Variants in NREP observed in about 807,000 individuals in gnomAD.
NREP encodes the protein neuronal regeneration-related protein.
A neutral mutation model predicts 8.6 loss-of-function variants in NREP; 5 were observed. The ratio of observed to expected loss-of-function variants is 0.58; its 90% CI spans 0.30 to 1.22. NREP has a LOEUF of 1.22. Among genes scored for constraint, NREP ranks in the 50% most tolerant of loss-of-function variants. The pLI is 0.07. For synonymous variants in NREP, 27 were observed against 28.0 expected, an observed-to-expected ratio of 0.96 and a Z score of 0.11; for missense variants, 86 against 82.5, an observed-to-expected ratio of 1.04 and a Z score of -0.17.
At chr5:111,943,876 A>G (rs975926707) in intron 2 of NREP, among the ~76,000 whole-genome samples, 1 of 152,138 alleles carries the variant, frequency 6.6e-6, no homozygotes, top group African/African-American at 2.4e-5. Flanking sequence ...TACTCTGTTC[A>G]GCAACTTACG....
intron 2 of NREP, among the ~76,000 whole-genome samples, chr5:111,821,965 AC>A (rs1348901611): frequency 1.3e-5 from 2 of 152,302 alleles, no homozygotes; most frequent in Middle Eastern, 3.4e-3. Flanking sequence ...AACCTCTTCT[AC>A]TATGAAAATG....
intron 2 of NREP, among the ~76,000 whole-genome samples, chr5:111,912,023 T>G (rs531406458): frequency 1.3e-5 from 2 of 152,210 alleles, no homozygotes; most frequent in Non-Finnish European, 2.9e-5. Context: ...AAAATATAAA[T>G]TCCTGTCTGT....
At chr5:111,808,385 G>A (rs1019948145) in intron 2 of NREP, among the ~76,000 whole-genome samples, 1 of 152,168 alleles carries the variant, frequency 6.6e-6, no homozygotes, top group African/African-American at 2.4e-5. Flanking sequence ...ACCAAAGCCT[G>A]TCTTCTCTAT....
intron 2 of NREP, among the ~76,000 whole-genome samples, chr5:111,786,803 T>C (rs890194189): frequency 1.2e-4 from 19 of 152,200 alleles, no homozygotes; most frequent in African/African-American, 4.1e-4. Flanking sequence ...TTTTGTATAT[T>C]GGGGTAGGAA....
intron 2 of NREP, among the ~76,000 whole-genome samples, chr5:111,942,278 T>G (rs1243530756): frequency 6.6e-6 from 1 of 152,050 alleles, no homozygotes; most frequent in Non-Finnish European, 1.5e-5. Context: ...AACACTAAAA[T>G]AAAAATGATT....
At chr5:111,740,812 T>TA (rs1052867763) in intron 2 of NREP, among the ~76,000 whole-genome samples, 2 of 152,232 alleles carry the variant, frequency 1.3e-5, no homozygotes, top group Non-Finnish European at 2.9e-5. Flanking sequence ...TCACTTCTAC[T>TA]ACATTGCAGG....
At chr5:111,912,478 C>T (rs1754940667) in intron 2 of NREP, 1 of 152,068 alleles carries the variant, frequency 6.6e-6, no homozygotes, top group South Asian at 2.1e-4. Flanking sequence ...TCTATTCTAT[C>T]TGTATCTCTG....
At chr5:111,892,968 A>C (rs1346450988) in intron 2 of NREP, among the ~76,000 whole-genome samples, 2 of 152,198 alleles carry the variant, frequency 1.3e-5, no homozygotes, top group Non-Finnish European at 2.9e-5. Flanking sequence ...ACTAGAGAAA[A>C]TCTAAAACTC....
At chr5:111,917,652 C>T (rs112672985) in intron 2 of NREP, among the ~76,000 whole-genome samples, 9,684 of 152,172 alleles carry the variant, frequency 0.064, 720 homozygotes, top group East Asian at 0.23. Context: ...TCGATAAAAT[C>T]CAGCACTCCT....
intron 2 of NREP, among the ~76,000 whole-genome samples, chr5:111,772,806 T>G (rs1265447258): frequency 6.6e-6 from 1 of 152,226 alleles, no homozygotes; most frequent in Non-Finnish European, 1.5e-5. Context: ...ATTAATCTTC[T>G]TTATTATGTA....
chr5:111,881,321 T>G (rs903079979), intron 2 of NREP, among the ~76,000 whole-genome samples: 2 of 151,830 alleles, frequency 1.3e-5, no homozygotes, highest in Non-Finnish European at 2.9e-5. Flanking sequence ...CAAAGCAGCC[T>G]GGGAAGCTCC....
intron 2 of NREP, among the ~76,000 whole-genome samples, chr5:111,889,492 C>T (rs906118226): frequency 2.0e-5 from 3 of 152,104 alleles, no homozygotes; most frequent in Non-Finnish European, 4.4e-5. Flanking sequence ...ATCATACTGC[C>T]CTTACTCCCC....
chr5:111,873,850 A>G (rs1753843979), intron 2 of NREP, among the ~76,000 whole-genome samples: 1 of 152,152 alleles, frequency 6.6e-6, no homozygotes, highest in Admixed American at 6.6e-5. Flanking sequence ...GGGCTGTGGG[A>G]GAGACTGCAG....
intron 2 of NREP, among the ~76,000 whole-genome samples, chr5:111,939,399 T>A (rs1171205966): frequency 6.6e-6 from 1 of 152,062 alleles, no homozygotes; most frequent in Non-Finnish European, 1.5e-5. Flanking sequence ...AAAGATACTT[T>A]AGAGCAATCA....
intron 2 of NREP, among the ~76,000 whole-genome samples, chr5:111,946,282 A>C (rs528168684): frequency 6.6e-6 from 1 of 152,118 alleles, no homozygotes; most frequent in Admixed American, 6.6e-5. Flanking sequence ...GCTCCCAAAA[A>C]ACAAGATCCT....
intron 2 of NREP, among the ~76,000 whole-genome samples, chr5:111,943,996 G>A (rs554549825): frequency 6.6e-6 from 1 of 152,052 alleles, no homozygotes; most frequent in South Asian, 2.1e-4. Flanking sequence ...TCTATTGAGA[G>A]AGCTGATGAA....
chr5:111,893,755 G>C (rs867087591), intron 2 of NREP, among the ~76,000 whole-genome samples: 1 of 151,252 alleles, frequency 6.6e-6, no homozygotes, highest in Middle Eastern at 3.2e-3. Context: ...ATTGGTTAAG[G>C]GTTTTTCAAT....
At chr5:111,930,653 A>G (rs1416630290) in intron 2 of NREP, among the ~76,000 whole-genome samples, 2 of 152,164 alleles carry the variant, frequency 1.3e-5, no homozygotes, top group Non-Finnish European at 1.5e-5. Context: ...TGTTAATTGC[A>G]AGCCCAGTAG....
chr5:111,919,869 GAGAAAGAAAGAAAGAAAGAAAGAA>G (rs60026643), intron 2 of NREP, among the ~76,000 whole-genome samples: 88 of 125,114 alleles, frequency 7.0e-4, no homozygotes, highest in Admixed American at 1.5e-3. Flanking sequence ...CTTGAAGAGA[GAGAAAGAAAGAAAGAAAGAAAGAA>G]AGAAAGAAAG....
Sources: allele counts gnomAD v4.1 joint callset (sites outside exome capture counted in the v4.1 genomes callset), GRCh38; gene constraint gnomAD v4.1.1; transcripts MANE v1.5; gene names NCBI Gene and HGNC (gene_info 2026-07-23, HGNC 2026-07-21).